CCDC34: variants seen among roughly 807,000 people sequenced by gnomAD.
CCDC34 encodes coiled-coil domain-containing protein 34.
Under a neutral mutation model 44.1 loss-of-function variants are expected in CCDC34, and 40 were observed. The ratio of observed to expected loss-of-function variants is 0.91; its 90% CI spans 0.70 to 1.18. The LOEUF is 1.18. Among genes scored for constraint, CCDC34 ranks in the 50% most tolerant of loss-of-function variants. CCDC34 has a pLI of 0.00. For synonymous variants in CCDC34, 159 were observed against 158.2 expected, an observed-to-expected ratio of 1.01 and a Z score of -0.04; for missense variants, 466 against 452.3, an observed-to-expected ratio of 1.03 and a Z score of -0.28.
chr11:27,345,421 G>A (rs1033223864), intron 3 of CCDC34, among the ~76,000 whole-genome samples: 2 of 152,050 alleles, frequency 1.3e-5, no homozygotes, highest in African/African-American at 4.8e-5. Flanking sequence ...ATATCCTAAT[G>A]CTATCCCTCA....
intron 3 of CCDC34, among the ~76,000 whole-genome samples, chr11:27,347,444 C>G (rs1020713398): frequency 6.6e-6 from 1 of 152,038 alleles, no homozygotes; most frequent in African/African-American, 2.4e-5. Flanking sequence ...CATAATATCC[C>G]AAACTGAAAA....
At chr11:27,354,404 A>G (rs1025069167) in intron 2 of CCDC34, among the ~76,000 whole-genome samples, 2 of 152,200 alleles carry the variant, frequency 1.3e-5, no homozygotes, top group Non-Finnish European at 2.9e-5. Flanking sequence ...AATAACTTTG[A>G]GTGCTTTGTA....
intron 3 of CCDC34, chr11:27,348,861 A>C (rs895379970): frequency 1.0e-6 from 1 of 968,704 alleles, no homozygotes; most frequent in Non-Finnish European, 1.2e-6. Context: ...AGAGTTCTGC[A>C]GAACAGGTAA....
At chr11:27,340,959 T>C in intron 4 of CCDC34, 122 bp from the exon 5 acceptor site, 1 of 765,754 alleles carries the variant, frequency 1.3e-6, no homozygotes, top group Non-Finnish European at 2.1e-6. Flanking sequence ...GCCATAATAC[T>C]GAATCATATT....
chr11:27,359,681 C>A (rs1305250439), intron 1 of CCDC34, among the ~76,000 whole-genome samples: 1 of 152,088 alleles, frequency 6.6e-6, no homozygotes, highest in Non-Finnish European at 1.5e-5. Flanking sequence ...TAAAAAACTT[C>A]TTTAAGCTTC....
chr11:27,363,078 G>C lies in CCDC34; in HGVS notation c.117C>G (p.Gly39=). The change falls in exon 1 of 6, where the codon GGC becomes GGG. Residue 39 remains glycine (G), a synonymous_variant. Coordinates refer to ENST00000328697, the MANE Select transcript of CCDC34 (RefSeq NM_030771.2). ...CCACCTCCAGCCCCTGCCCACGTGC[G>C]CCCGTCATAGGGACTGAGCAGGAGT... is the stretch of plus-strand genomic sequence containing the variant. ...SSDSCSVPMT[G]ARGQGLEVVR... 1 of 1,611,584 alleles carries C rather than the reference G, an allele frequency of 6.2e-7. No homozygotes were observed. Among genetic ancestry groups the C allele is most frequent in the African/African-American group, 1.3e-5 (1 of 75,016 alleles).
chr11:27,350,531 C>T (rs746579353), intron 2 of CCDC34, 92 bp from the exon 3 acceptor site: 38 of 1,240,170 alleles, frequency 3.1e-5, no homozygotes, highest in Non-Finnish European at 2.8e-5. Flanking sequence ...CCAAATTAAA[C>T]AAGAATATAG....
In CCDC34 at chr11:27,338,805, T is replaced by C. The variant is rs764840074; in HGVS notation, c.*16A>G. On this transcript the variant is annotated 3_prime_UTR_variant, in exon 6 of 6. Coordinates refer to ENST00000328697, the MANE Select transcript of CCDC34 (RefSeq NM_030771.2). ...TTAAATAGCTCCAGATAAAAGCATG[T>C]TATTTTCCACATACGCTATCTTTGT... 12 of 1,595,008 alleles carry C rather than the reference T, an allele frequency of 7.5e-6. No homozygotes were observed. The East Asian group carries it at 2.7e-4, about 36-fold the overall frequency.
At chr11:27,356,932 TGGG>T (rs1862585437) in intron 2 of CCDC34, among the ~76,000 whole-genome samples, 1 of 932 alleles carries the variant, frequency 1.1e-3, no homozygotes, top group African/African-American at 3.4e-3. Context: ...GGGGTGGGGT[TGGG>T]GGTGGTGGGG....
At chr11:27,349,353 T>G (rs1430559012) in intron 3 of CCDC34, 1 of 888,686 alleles carries the variant, frequency 1.1e-6, no homozygotes, top group South Asian at 5.2e-5. Context: ...AATATGGTTA[T>G]AACACACATA....
intron 2 of CCDC34, 91 bp downstream of exon 2, chr11:27,357,312 C>T (rs1467186830): frequency 7.9e-7 from 1 of 1,269,192 alleles, no homozygotes; most frequent in Non-Finnish European, 1.1e-6. Context: ...ACTTTGTTTT[C>T]AGGAATAATA....
intron 3 of CCDC34, among the ~76,000 whole-genome samples, chr11:27,346,315 G>A (rs1386221987): frequency 4.0e-5 from 6 of 151,808 alleles, no homozygotes; most frequent in Non-Finnish European, 8.8e-5. Context: ...AGAATTGCTT[G>A]AGCCCGGGAG....
chr11:27,342,033 C>T (rs1051190773), intron 3 of CCDC34, among the ~76,000 whole-genome samples: 5 of 152,200 alleles, frequency 3.3e-5, no homozygotes, highest in Admixed American at 6.5e-5. Flanking sequence ...CCATGTAAGA[C>T]GTGACTTGCT....
intron 3 of CCDC34, chr11:27,348,875 T>C: frequency 2.1e-6 from 2 of 971,312 alleles, no homozygotes; most frequent in Non-Finnish European, 2.4e-6. Context: ...CAGGTAAATA[T>C]AACGTCTCAG....
intron 3 of CCDC34, among the ~76,000 whole-genome samples, chr11:27,348,120 G>A (rs1028611221): frequency 6.6e-6 from 1 of 151,966 alleles, no homozygotes; most frequent in African/African-American, 2.4e-5. Context: ...ACGCTGCACC[G>A]AGAGAACCTT....
chr11:27,342,118 T>G (rs1862368566), intron 3 of CCDC34, among the ~76,000 whole-genome samples: 1 of 152,080 alleles, frequency 6.6e-6, no homozygotes, highest in South Asian at 2.1e-4. Context: ...ACTTCTTTCT[T>G]TTGTAAATTT....
intron 1 of CCDC34, among the ~76,000 whole-genome samples, chr11:27,361,403 T>C (rs1862662721): frequency 6.6e-6 from 1 of 152,252 alleles, no homozygotes; most frequent in Non-Finnish European, 1.5e-5. Flanking sequence ...CTTAGTCCAG[T>C]TGATTATGCT....
At chr11:27,345,129 A>G (rs73444180) in intron 3 of CCDC34, among the ~76,000 whole-genome samples, 13,371 of 152,244 alleles carry the variant, frequency 0.088, 953 homozygotes, top group African/African-American at 0.2. Flanking sequence ...ACAATTGGAT[A>G]TCCACATGCA....
rs12282639 is a variant in CCDC34, at chr11:27,341,370, C to T, written c.765+22G>A. 9,343 of 1,401,186 alleles carry T rather than the reference C, an allele frequency of 6.7e-3. 285 individuals are homozygous for T. The African/African-American group carries it at 0.082, about 12-fold the overall frequency. The allele number at this position is 1,401,186 out of a possible 1,614,324, so 86.8% of individuals were successfully genotyped here. On this transcript the variant is annotated intron_variant, in intron 4 of 5. Coordinates refer to ENST00000328697, the MANE Select transcript of CCDC34 (RefSeq NM_030771.2). ...TGAACACCAAAGTTATGTATTCTAA[C>T]TGGTCACTTTAATAAAAATACCTTT...
Sources: gnomAD v4.1 joint callset for allele counts (sites outside exome capture counted in the v4.1 genomes callset) on GRCh38, gnomAD v4.1.1 for gene constraint, MANE v1.5 for transcripts, NCBI Gene and HGNC (gene_info 2026-07-23, HGNC 2026-07-21) for gene names.